Variants in GALNT13 observed in about 807,000 individuals in gnomAD.
GALNT13 encodes the protein UDP-GalNAc:polypeptide N-acetylgalactosaminyltransferase 13.
GALNT13 carries 28 observed loss-of-function variants against 64.2 expected under a neutral mutation model. The ratio of observed to expected loss-of-function variants is 0.44; its 90% confidence interval spans 0.32 to 0.60. GALNT13 has a LOEUF of 0.60. Ranked by LOEUF, GALNT13 falls within the 20% of genes least tolerant of loss-of-function variation. GALNT13 has a pLI of 0.05. For missense variants in GALNT13, 577 were observed against 669.8 expected, an observed-to-expected ratio of 0.86 and a Z score of 1.53; for synonymous variants, 214 against 224.6, an observed-to-expected ratio of 0.95 and a Z score of 0.42.
the GALNT13 span, among the ~76,000 whole-genome samples, chr2:153,442,525 C>T: frequency 3.9e-5 from 6 of 152,116 alleles, no homozygotes; most frequent in Admixed American, 3.9e-4. Flanking sequence ...GGAATGGTAC[C>T]AGCTTCTTTT....
intron 3 of GALNT13, among the ~76,000 whole-genome samples, chr2:154,039,358 G>C (rs1298231317): frequency 7.2e-6 from 1 of 138,440 alleles, no homozygotes; most frequent in South Asian, 2.3e-4. Context: ...TAGAATCAAC[G>C]TAAGTACTCC....
At chr2:154,285,016 A>G (rs1189158451) in intron 8 of GALNT13, among the ~76,000 whole-genome samples, 5 of 151,996 alleles carry the variant, frequency 3.3e-5, no homozygotes, top group Non-Finnish European at 4.4e-5. Flanking sequence ...TTAGTGATTC[A>G]TATCTTTTTT....
At chr2:154,225,417 A>T (rs940977113) in intron 4 of GALNT13, among the ~76,000 whole-genome samples, 12 of 152,038 alleles carry the variant, frequency 7.9e-5, no homozygotes, top group African/African-American at 2.9e-4. Context: ...AACTGCAACA[A>T]CCCTTGTAGT....
the GALNT13 span, among the ~76,000 whole-genome samples, chr2:153,230,982 C>T: frequency 6.6e-6 from 1 of 152,160 alleles, no homozygotes; most frequent in Non-Finnish European, 1.5e-5. Flanking sequence ...TAGATTTGGA[C>T]ATGGGTGAGA....
chr2:153,525,338 G>A, the GALNT13 span, among the ~76,000 whole-genome samples: 18 of 152,248 alleles, frequency 1.2e-4, no homozygotes, highest in African/African-American at 4.3e-4. Context: ...TGGCTAAGGG[G>A]CAAAACCCCT....
At chr2:154,279,684 C>G (rs1325113908) in intron 8 of GALNT13, among the ~76,000 whole-genome samples, 2 of 152,146 alleles carry the variant, frequency 1.3e-5, no homozygotes, top group African/African-American at 2.4e-5. Context: ...ACTCCCCTCT[C>G]CTTGTTTGTG....
At chr2:153,666,536 G>A in the GALNT13 span, among the ~76,000 whole-genome samples, 1 of 152,154 alleles carries the variant, frequency 6.6e-6, no homozygotes, top group Admixed American at 6.6e-5. Context: ...TAAAGGGTCA[G>A]AGAACAGAGT....
the GALNT13 span, among the ~76,000 whole-genome samples, chr2:153,229,613 G>A: frequency 6.6e-6 from 1 of 152,134 alleles, no homozygotes; most frequent in Non-Finnish European, 1.5e-5. Flanking sequence ...TTTATTACAA[G>A]TATGAATAGA....
chr2:154,174,389 A>G lies in GALNT13; in HGVS notation c.311+33884A>G, dbSNP rs1223430440. Reference sequence around the variant, plus strand: ...ACAAAAGGCAGACACTGATCTGTATAGTCAAAGACTCTAAGAAACAAGTGA... The same window carrying G: ...ACAAAAGGCAGACACTGATCTGTATGGTCAAAGACTCTAAGAAACAAGTGA... On this transcript the variant is annotated intron_variant, in intron 4 of 12. Coordinates refer to ENST00000392825, the MANE Select transcript of GALNT13 (RefSeq NM_052917.4). Among the ~76,000 whole-genome samples the G allele has an allele frequency of 2.0e-5, 3 of 152,148 alleles. No homozygotes were observed. The East Asian group carries it at 5.8e-4, about 29-fold the overall frequency.
the GALNT13 span, chr2:153,478,744 G>A: frequency 1.7e-6 from 1 of 603,880 alleles, no homozygotes; most frequent in Non-Finnish European, 2.9e-6. Flanking sequence ...TCCGACGCGC[G>A]CAGCAGCTAG....
At chr2:154,283,028 A>T (rs534871035) in intron 8 of GALNT13, among the ~76,000 whole-genome samples, 2 of 152,300 alleles carry the variant, frequency 1.3e-5, no homozygotes, top group South Asian at 2.1e-4. Flanking sequence ...TGTAACCTTT[A>T]TGTCTGTTCC....
chr2:153,533,573 T>C, the GALNT13 span, among the ~76,000 whole-genome samples: 1 of 151,904 alleles, frequency 6.6e-6, no homozygotes, highest in Non-Finnish European at 1.5e-5. Context: ...TGAGCTGTTT[T>C]GATCTATGTT....
intron 1 of GALNT13, among the ~76,000 whole-genome samples, chr2:153,894,722 A>G (rs1301911321): frequency 1.3e-5 from 2 of 152,240 alleles, no homozygotes; most frequent in Non-Finnish European, 2.9e-5. Flanking sequence ...AAAATGGGGT[A>G]ACAGCCAACA....
the GALNT13 span, among the ~76,000 whole-genome samples, chr2:153,519,243 T>C: frequency 1.3e-5 from 2 of 152,190 alleles, no homozygotes; most frequent in African/African-American, 4.8e-5. Context: ...GTTGATAATG[T>C]TTATTACAAA....
intron 3 of GALNT13, among the ~76,000 whole-genome samples, chr2:154,087,301 AT>A (rs1047079182): frequency 2.0e-5 from 3 of 151,960 alleles, no homozygotes; most frequent in African/African-American, 4.8e-5. Flanking sequence ...TATGGTACAT[AT>A]TTTTTTTAAG....
chr2:153,936,935 T>C (rs1210929441), intron 2 of GALNT13, among the ~76,000 whole-genome samples: 2 of 152,090 alleles, frequency 1.3e-5, no homozygotes, highest in Non-Finnish European at 2.9e-5. Flanking sequence ...GCCAGGATGG[T>C]CTCAATCTCC....
the GALNT13 span, among the ~76,000 whole-genome samples, chr2:153,242,909 A>G: frequency 2.0e-5 from 3 of 152,202 alleles, no homozygotes; most frequent in Non-Finnish European, 4.4e-5. Flanking sequence ...TCAAAATCTA[A>G]GGCTCTGTTC....
the GALNT13 span, among the ~76,000 whole-genome samples, chr2:153,720,561 G>GA: frequency 2.7e-5 from 4 of 149,100 alleles, no homozygotes; most frequent in Non-Finnish European, 6.0e-5. Flanking sequence ...TGAAAACTTT[G>GA]AAAAAAATTT....
the GALNT13 span, among the ~76,000 whole-genome samples, chr2:153,725,465 A>T: frequency 6.7e-6 from 1 of 149,408 alleles, no homozygotes; most frequent in African/African-American, 2.5e-5. Context: ...ATTAAAAAAA[A>T]ATAATAATAA....
Sources: allele counts gnomAD v4.1 joint callset (sites outside exome capture counted in the v4.1 genomes callset), GRCh38; gene constraint gnomAD v4.1.1; transcripts MANE v1.5; gene names NCBI Gene and HGNC (gene_info 2026-07-23, HGNC 2026-07-21).